Variants in PAK5 observed in about 807,000 individuals in gnomAD.
PAK5 encodes p21 (RAC1) activated kinase 5.
A neutral mutation model predicts 65.9 loss-of-function variants in PAK5; 16 were observed. The ratio of observed to expected loss-of-function variants is 0.24; its 90% CI spans 0.16 to 0.37. The LOEUF is 0.37. PAK5 is among the 10% of genes least tolerant of loss of function. The pLI is 1.00. For synonymous variants in PAK5, 371 were observed against 354.9 expected (o/e 1.05, Z -0.51); for missense variants, 785 against 903.9 (o/e 0.87, Z 1.69).
intron 3 of PAK5, among the ~76,000 whole-genome samples, chr20:9,629,011 G>A (rs2123218983): frequency 6.6e-6 from 1 of 152,298 alleles, no homozygotes; most frequent in South Asian, 2.1e-4. Context: ...GGGGTTGCCT[G>A]TTCATCAACA....
intron 1 of PAK5, among the ~76,000 whole-genome samples, chr20:9,742,468 T>C (rs1175975167): frequency 1.3e-5 from 2 of 152,168 alleles, no homozygotes; most frequent in Non-Finnish European, 2.9e-5. Context: ...CTAAATATCC[T>C]ATAAATAAAT....
chr20:9,652,598 T>C (rs1326285807), intron 2 of PAK5, among the ~76,000 whole-genome samples: 1 of 152,204 alleles, frequency 6.6e-6, no homozygotes, highest in Non-Finnish European at 1.5e-5. Flanking sequence ...GTTGGGTGAA[T>C]ACAATGATTA....
At chr20:9,590,393 C>G (rs577783060) in intron 3 of PAK5, among the ~76,000 whole-genome samples, 4 of 152,208 alleles carry the variant, frequency 2.6e-5, no homozygotes, top group Admixed American at 6.5e-5. Flanking sequence ...TGGGCCAAAT[C>G]TGGCCCTCTG....
chr20:9,566,139 C>T lies in PAK5; in HGVS notation c.1236G>A (p.Pro412=), dbSNP rs2122997136. 1.2e-6 allele frequency: 2 copies of T among 1,613,532 alleles called. No homozygotes were observed. The highest frequency in any genetic ancestry group is 8.5e-7 in the Non-Finnish European group (1 of 1,179,840). ...CGGAGGAGGAGCCCCAGCTGGGCGG[C>T]GGGTAGGTGCTGGATGAGAGGCTGA... The part of the protein sequence containing the change: ...SSLSLSSSTY[P]PPSWGSSSDQ... Residue 412 remains proline (P), a synonymous_variant, in exon 5 of 10, where the codon CCG becomes CCA. Transcript: ENST00000353224.
intron 2 of PAK5, among the ~76,000 whole-genome samples, chr20:9,696,296 A>C (rs2047868624): frequency 6.6e-6 from 1 of 152,066 alleles, no homozygotes; most frequent in East Asian, 1.9e-4. Context: ...GAGAAATGAA[A>C]ATTCTTTTGG....
chr20:9,837,221 C>G (rs1163288251), intron 1 of PAK5, among the ~76,000 whole-genome samples: 1 of 152,216 alleles, frequency 6.6e-6, no homozygotes, highest in South Asian at 2.1e-4. Context: ...AGCAGTGCAT[C>G]TGCCTTGCAC....
intron 1 of PAK5, among the ~76,000 whole-genome samples, chr20:9,743,199 C>A (rs537888352): frequency 1.3e-5 from 2 of 151,982 alleles, no homozygotes; most frequent in South Asian, 4.2e-4. Context: ...GAGACATCGA[C>A]TCTACGAAAA....
intron 3 of PAK5, among the ~76,000 whole-genome samples, chr20:9,590,619 CAAAA>C (rs71184146): frequency 1.5e-5 from 2 of 130,256 alleles, no homozygotes; most frequent in East Asian, 2.1e-4. Flanking sequence ...TGGGCTGTGC[CAAAA>C]AAAAAAAAAA....
intron 3 of PAK5, among the ~76,000 whole-genome samples, chr20:9,583,047 A>AC (rs2046007505): frequency 6.6e-6 from 1 of 152,222 alleles, no homozygotes; most frequent in South Asian, 2.1e-4. Flanking sequence ...TCTCCAAGGA[A>AC]CGCTAATAGT....
At chr20:9,662,909 A>G (rs576586271) in intron 2 of PAK5, among the ~76,000 whole-genome samples, 1 of 152,308 alleles carries the variant, frequency 6.6e-6, no homozygotes, top group South Asian at 2.1e-4. Context: ...TGCAGGATTC[A>G]TGTCAAACTC....
chr20:9,633,327 A>G (rs1313077675), intron 3 of PAK5, among the ~76,000 whole-genome samples: 1 of 152,154 alleles, frequency 6.6e-6, no homozygotes, highest in African/African-American at 2.4e-5. Flanking sequence ...AAAATGAAAA[A>G]TTGAGTTTAT....
At position 9,570,773 on chromosome 20, in the gene PAK5, A is replaced by G. The variant is rs150546277; in HGVS notation, c.991-4389T>C. ...AATTCATTCCCCACAAGCATGTATA[A>G]CTGATCTCTGAAGATATATTAAAAA... On this transcript the variant is annotated intron_variant, in intron 4 of 9. Coordinates refer to ENST00000353224, the MANE Select transcript of PAK5 (RefSeq NM_177990.4). 1.5e-3 allele frequency among the ~76,000 whole-genome samples: 233 copies of G among 152,358 alleles called. 4 individuals are homozygous for G. The highest frequency in any genetic ancestry group is 0.013 in the Admixed American group (196 of 15,310).
At chr20:9,812,749 G>A (rs1309557999) in intron 1 of PAK5, among the ~76,000 whole-genome samples, 1 of 152,100 alleles carries the variant, frequency 6.6e-6, no homozygotes, top group Non-Finnish European at 1.5e-5. Flanking sequence ...ATGCTCAGTA[G>A]CACAATAGGG....
intron 1 of PAK5, among the ~76,000 whole-genome samples, chr20:9,731,981 G>C (rs775110391): frequency 6.6e-6 from 1 of 152,104 alleles, no homozygotes; most frequent in African/African-American, 2.4e-5. Context: ...TCCAATGAAA[G>C]TATTAGTCTT....
At chr20:9,621,328 T>C (rs1001618597) in intron 3 of PAK5, among the ~76,000 whole-genome samples, 3 of 148,198 alleles carry the variant, frequency 2.0e-5, no homozygotes, top group African/African-American at 7.5e-5. Flanking sequence ...TAACAAATAA[T>C]AGATGATAAT....
At chr20:9,751,576 G>A (rs2048577678) in intron 1 of PAK5, among the ~76,000 whole-genome samples, 1 of 152,094 alleles carries the variant, frequency 6.6e-6, no homozygotes, top group African/African-American at 2.4e-5. Flanking sequence ...GAACACTGAG[G>A]CCTTTATCTA....
intron 1 of PAK5, among the ~76,000 whole-genome samples, chr20:9,831,248 C>T (rs939410351): frequency 6.6e-6 from 1 of 152,188 alleles, no homozygotes; most frequent in Non-Finnish European, 1.5e-5. Context: ...TGGGATTCCC[C>T]ATCCCCCGCC....
chr20:9,632,750 A>G (rs1186523502), intron 3 of PAK5, among the ~76,000 whole-genome samples: 1 of 152,226 alleles, frequency 6.6e-6, no homozygotes, highest in Non-Finnish European at 1.5e-5. Flanking sequence ...TTAGTTACAC[A>G]ATCTACAAGG....
chr20:9,748,084 C>A (rs1036366604), intron 1 of PAK5, among the ~76,000 whole-genome samples: 1 of 152,096 alleles, frequency 6.6e-6, no homozygotes, highest in Non-Finnish European at 1.5e-5. Flanking sequence ...CTCCCATTCA[C>A]AATTGCTTCA....
Sources: allele counts gnomAD v4.1 joint callset (sites outside exome capture counted in the v4.1 genomes callset), GRCh38; gene constraint gnomAD v4.1.1; transcripts MANE v1.5; gene names NCBI Gene and HGNC (gene_info 2026-07-23, HGNC 2026-07-21).